The following CFAP299 variants were observed in gnomAD, a reference collection of about 807,000 sequenced individuals.
CFAP299 encodes the protein cilia- and flagella-associated protein 299.
In CFAP299, 21 loss-of-function variants were observed where a neutral mutation model predicts 27.0. The ratio of observed to expected loss-of-function variants is 0.78; its 90% CI spans 0.55 to 1.12. The LOEUF is 1.12. Ranked by LOEUF, CFAP299 falls within the 50% of genes most tolerant of loss-of-function variation. The pLI is 0.00. For synonymous variants in CFAP299, 104 were observed against 98.1 expected (o/e 1.06, Z -0.36); for missense variants, 310 against 276.6 (o/e 1.12, Z -0.86).
At chr4:80,809,859 CA>C (rs1233926017) in intron 3 of CFAP299, among the ~76,000 whole-genome samples, 1 of 151,986 alleles carries the variant, frequency 6.6e-6, no homozygotes, top group Admixed American at 6.6e-5. Flanking sequence ...GTGACCTCCT[CA>C]AAACAATTTT....
chr4:80,856,287 T>G lies in CFAP299; in HGVS notation c.334-13706T>G, dbSNP rs1159845851. The stretch of plus-strand genomic sequence containing the variant: ...CTTGTAAATTTGTTTGAGTTCAGTG[T>G]AGATTCTGGATATTAGCCCTTTGTC... On this transcript the variant is annotated intron_variant, in intron 3 of 5. Coordinates refer to ENST00000358105, the MANE Select transcript of CFAP299 (RefSeq NM_152770.3). Among the ~76,000 whole-genome samples, 27 of 145,980 alleles carry G rather than the reference T, an allele frequency of 1.8e-4. 2 individuals are homozygous for G. The highest frequency in any genetic ancestry group is 1.2e-3 in the East Asian group (6 of 5,112).
At chr4:80,870,158 AC>A in intron 4 of CFAP299, 23 bp downstream of exon 4, 1 of 1,585,950 alleles carries the variant, frequency 6.3e-7, no homozygotes, top group Middle Eastern at 1.7e-4. Context: ...CAATTTTTGC[AC>A]CCTTAGAGGC....
chr4:80,731,854 A>T (rs1478435923), intron 3 of CFAP299, among the ~76,000 whole-genome samples: 1 of 152,164 alleles, frequency 6.6e-6, no homozygotes, highest in Non-Finnish European at 1.5e-5. Context: ...GATTTAAAAA[A>T]ATCTCACCAA....
intron 3 of CFAP299, among the ~76,000 whole-genome samples, chr4:80,647,208 G>C (rs558629345): frequency 6.6e-6 from 1 of 152,162 alleles, no homozygotes; most frequent in South Asian, 2.1e-4. Context: ...CCAGAACCTA[G>C]CACTGTTGGT....
At chr4:80,353,878 T>C (rs1036833500) in intron 1 of CFAP299, among the ~76,000 whole-genome samples, 3 of 152,332 alleles carry the variant, frequency 2.0e-5, no homozygotes, top group Admixed American at 6.5e-5. Context: ...TTCAGCTGTG[T>C]CTTTTGGAAT....
At chr4:80,350,555 T>C (rs1047804658) in intron 1 of CFAP299, among the ~76,000 whole-genome samples, 3 of 152,134 alleles carry the variant, frequency 2.0e-5, no homozygotes, top group Non-Finnish European at 2.9e-5. Context: ...AATGATATAC[T>C]GGATAAAGAA....
At chr4:80,705,815 G>A (rs1237700399) in intron 3 of CFAP299, among the ~76,000 whole-genome samples, 1 of 151,844 alleles carries the variant, frequency 6.6e-6, no homozygotes, top group African/African-American at 2.4e-5. Flanking sequence ...CGGTATTACT[G>A]TAAATGACCT....
intron 3 of CFAP299, among the ~76,000 whole-genome samples, chr4:80,772,776 AT>A (rs1726294987): frequency 6.6e-6 from 1 of 152,004 alleles, no homozygotes; most frequent in Admixed American, 6.6e-5. Context: ...ATGTGTTCTC[AT>A]TGTGCAACTC....
intron 3 of CFAP299, among the ~76,000 whole-genome samples, chr4:80,821,455 G>T (rs2110124400): frequency 6.6e-6 from 1 of 152,242 alleles, no homozygotes; most frequent in South Asian, 2.1e-4. Flanking sequence ...AGCTTCTAAA[G>T]AAAAGAAATG....
intron 4 of CFAP299, among the ~76,000 whole-genome samples, chr4:80,927,433 T>G (rs1349094477): frequency 6.6e-6 from 1 of 152,090 alleles, no homozygotes; most frequent in Non-Finnish European, 1.5e-5. Context: ...AATATATTGG[T>G]TTCCTACTGC....
chr4:80,787,186 G>C (rs953798198), intron 3 of CFAP299, among the ~76,000 whole-genome samples: 19 of 148,550 alleles, frequency 1.3e-4, no homozygotes, highest in African/African-American at 4.7e-4. Flanking sequence ...TATCTCCTGG[G>C]CTGGGCATGG....
intron 4 of CFAP299, among the ~76,000 whole-genome samples, chr4:80,935,442 A>T (rs1363976300): frequency 6.6e-6 from 1 of 151,568 alleles, no homozygotes. Context: ...GACAAATATG[A>T]TTTTTTTTAA....
chr4:80,469,775 G>C (rs1049833140), intron 2 of CFAP299, among the ~76,000 whole-genome samples: 2 of 151,708 alleles, frequency 1.3e-5, no homozygotes, highest in Non-Finnish European at 2.9e-5. Flanking sequence ...TAAGATTCTC[G>C]GGGCTGAATT....
intron 5 of CFAP299, among the ~76,000 whole-genome samples, chr4:80,957,828 A>G (rs1353142325): frequency 6.6e-6 from 1 of 152,132 alleles, no homozygotes; most frequent in African/African-American, 2.4e-5. Flanking sequence ...TCTTTTTATC[A>G]TAATAATTTC....
At chr4:80,343,409 A>G (rs1177525901) in intron 1 of CFAP299, among the ~76,000 whole-genome samples, 2 of 152,240 alleles carry the variant, frequency 1.3e-5, no homozygotes, top group Non-Finnish European at 2.9e-5. Flanking sequence ...CCTAAAATTG[A>G]TCACATATTT....
chr4:80,556,586 A>G (rs1734796659), intron 2 of CFAP299, among the ~76,000 whole-genome samples: 1 of 152,016 alleles, frequency 6.6e-6, no homozygotes, highest in Non-Finnish European at 1.5e-5. Context: ...AATAAGCCTA[A>G]TAAGCCCGAT....
chr4:80,872,821 G>C, intron 4 of CFAP299: 4 of 842,686 alleles, frequency 4.7e-6, no homozygotes, highest in Non-Finnish European at 5.7e-6. Flanking sequence ...TCTTTTTCTT[G>C]CAAATTATAA....
At chr4:80,745,009 C>T (rs1012672610) in intron 3 of CFAP299, among the ~76,000 whole-genome samples, 1 of 152,066 alleles carries the variant, frequency 6.6e-6, no homozygotes, top group African/African-American at 2.4e-5. Flanking sequence ...AAAAAAATTT[C>T]TAATCTACTC....
intron 3 of CFAP299, among the ~76,000 whole-genome samples, chr4:80,623,796 G>C (rs572946627): frequency 2.6e-5 from 4 of 152,242 alleles, no homozygotes; most frequent in African/African-American, 9.6e-5. Context: ...CTCTAGATTA[G>C]AATCTGCAGA....
Sources: gnomAD v4.1 joint callset for allele counts (sites outside exome capture counted in the v4.1 genomes callset) on GRCh38, gnomAD v4.1.1 for gene constraint, MANE v1.5 for transcripts, NCBI Gene and HGNC (gene_info 2026-07-23, HGNC 2026-07-21) for gene names.